SLC12A2: variants seen among roughly 807,000 people sequenced by gnomAD.
SLC12A2 encodes the protein Na-K-2Cl cotransporter 1.
A neutral mutation model predicts 136.3 loss-of-function variants in SLC12A2; 67 were observed. The observed-to-expected ratio is 0.49, with a 90% CI of 0.40 to 0.60. SLC12A2 has a LOEUF of 0.60. SLC12A2 is among the 20% of genes least tolerant of loss of function. SLC12A2 has a pLI of 0.00. For synonymous variants in SLC12A2, 619 were observed against 562.9 expected, an observed-to-expected ratio of 1.10 and a Z score of -1.41; for missense variants, 1,322 against 1,534.7, an observed-to-expected ratio of 0.86 and a Z score of 2.32.
At chr5:128,085,811 GATAATGTA>G (rs1760081339) in intron 1 of SLC12A2, among the ~76,000 whole-genome samples, 1 of 152,174 alleles carries the variant, frequency 6.6e-6, no homozygotes, top group Non-Finnish European at 1.5e-5. Context: ...CCCAGTGTTT[GATAATGTA>G]ACATTCACAC....
chr5:128,181,139 C>T, intron 23 of SLC12A2, 145 bp downstream of exon 23: 1 of 604,122 alleles, frequency 1.7e-6, no homozygotes. Context: ...TTAAATATAA[C>T]CTTGTTCTCT....
At chr5:128,126,009 A>G (rs1761779314) in intron 4 of SLC12A2, among the ~76,000 whole-genome samples, 1 of 152,052 alleles carries the variant, frequency 6.6e-6, no homozygotes, top group Non-Finnish European at 1.5e-5. Context: ...TGTTGCATTG[A>G]TTTGTTTGTG....
intron 4 of SLC12A2, among the ~76,000 whole-genome samples, chr5:128,116,176 A>G (rs1365711207): frequency 1.3e-5 from 2 of 152,112 alleles, no homozygotes; most frequent in Non-Finnish European, 2.9e-5. Context: ...ATCATCAAAG[A>G]ATTTCTCCTT....
intron 4 of SLC12A2, among the ~76,000 whole-genome samples, chr5:128,115,500 T>A (rs1361989821): frequency 2.0e-5 from 3 of 152,154 alleles, no homozygotes; most frequent in Admixed American, 6.5e-5. Context: ...GTCTATAAGA[T>A]CTGCCTTGTG....
rs72198423 is a variant in SLC12A2, at chr5:128,168,087, TAC to T, written c.2723+234_2723+235del. 15,912 of 291,262 alleles carry T rather than the reference TAC, an allele frequency of 0.055. 490 individuals are homozygous for T. The highest frequency in any genetic ancestry group is 0.14 in the African/African-American group (6,262 of 44,556). 18.0% of individuals were successfully genotyped at this position (291,262 alleles called of 1,614,324 possible). On this transcript the variant is annotated intron_variant, in intron 18 of 26. Coordinates refer to ENST00000262461, the MANE Select transcript of SLC12A2 (RefSeq NM_001046.3). ...TTACATACATGCATATATATATATA[TAC>T]ACACACACACACATATATGTATGTA...
chr5:128,108,025 A>G (rs1043428299), intron 1 of SLC12A2, among the ~76,000 whole-genome samples: 3 of 152,046 alleles, frequency 2.0e-5, no homozygotes, highest in African/African-American at 7.2e-5. Context: ...CATTTCTCTA[A>G]TGACCAGTGA....
intron 4 of SLC12A2, among the ~76,000 whole-genome samples, chr5:128,127,017 T>A (rs1761836277): frequency 7.3e-6 from 1 of 136,756 alleles, no homozygotes; most frequent in Non-Finnish European, 1.5e-5. Context: ...ATTTGTAGGA[T>A]AAACTTCACC....
intron 23 of SLC12A2, among the ~76,000 whole-genome samples, chr5:128,181,615 C>T (rs950277941): frequency 1.3e-5 from 2 of 152,082 alleles, no homozygotes; most frequent in African/African-American, 4.8e-5. Context: ...AGAGTTTTGA[C>T]CATATGATTC....
intron 1 of SLC12A2, chr5:128,110,595 C>A: frequency 9.1e-7 from 1 of 1,093,154 alleles, no homozygotes; most frequent in Non-Finnish European, 1.4e-6. Context: ...ATATTGATGG[C>A]ATCGTAGCAG....
intron 17 of SLC12A2, 109 bp from the exon 18 acceptor site, chr5:128,167,649 TTTG>T: frequency 3.3e-6 from 2 of 614,336 alleles, no homozygotes; most frequent in South Asian, 2.5e-5. Context: ...CTGAAGAATT[TTTG>T]TTAAGAGTGT....
At chr5:128,145,684 A>G (rs1392160359) in intron 10 of SLC12A2, among the ~76,000 whole-genome samples, 1 of 152,058 alleles carries the variant, frequency 6.6e-6, no homozygotes, top group African/African-American at 2.4e-5. Flanking sequence ...ATCTAGGGAA[A>G]GATGTTTAGT....
intron 12 of SLC12A2, 24 bp downstream of exon 12, chr5:128,148,901 A>G (rs754695119): frequency 2.6e-6 from 4 of 1,560,696 alleles, no homozygotes; most frequent in Non-Finnish European, 3.5e-6. Flanking sequence ...ATGGTGTGTT[A>G]TTGTAGATTT....
intron 22 of SLC12A2, among the ~76,000 whole-genome samples, chr5:128,179,854 C>T (rs1243324704): frequency 6.8e-6 from 1 of 146,280 alleles, no homozygotes; most frequent in Non-Finnish European, 1.5e-5. Context: ...TAATTTGTTA[C>T]TTTCATTTGT....
intron 1 of SLC12A2, among the ~76,000 whole-genome samples, chr5:128,089,169 C>CAA (rs34686489): frequency 8.3e-6 from 1 of 119,776 alleles, no homozygotes; most frequent in Non-Finnish European, 1.7e-5. Flanking sequence ...ACTTTGTCTC[C>CAA]AAAAAAAAAA....
intron 26 of SLC12A2, among the ~76,000 whole-genome samples, chr5:128,186,063 A>T (rs529552628): frequency 1.3e-3 from 193 of 151,972 alleles, no homozygotes; most frequent in African/African-American, 4.0e-3. Context: ...CTCTTAAAAA[A>T]ATATATATAT....
In SLC12A2 at chr5:128,114,789, CTA is replaced by C. The variant is rs571254264; in HGVS notation, c.1048+113_1048+114del. The C allele has an allele frequency of 6.3e-4, 434 of 687,542 alleles. 3 individuals carry two copies. The highest frequency in any genetic ancestry group is 6.3e-3 in the African/African-American group (347 of 55,446). The allele number at this position is 687,542 out of a possible 1,614,324, so 42.6% of individuals were successfully genotyped here. ...CTTTAACTGAAGCAACATATTAAGT[CTA>C]TATAGACAAGAAAGTTGCTACCGAG... On this transcript the variant is annotated intron_variant, in intron 4 of 26. Transcript: ENST00000262461.
intron 4 of SLC12A2, among the ~76,000 whole-genome samples, chr5:128,116,572 C>T (rs1301194040): frequency 6.6e-6 from 1 of 151,836 alleles, no homozygotes; most frequent in African/African-American, 2.4e-5. Flanking sequence ...AATCTGTTCA[C>T]AAAGGAAGAA....
rs549209200 is a variant in SLC12A2 at position 128,149,656 on chromosome 5, A to G, written c.2006-341A>G. Among the ~76,000 whole-genome samples, 8 of 152,038 alleles carry G rather than the reference A, an allele frequency of 5.3e-5. No homozygotes were observed. In the South Asian group the frequency reaches 8.3e-4, roughly 16 times the overall value. Reference sequence around the variant, plus strand: ...AAAAGATCAAATTTCAGAATGATACATATGGTATGCTATTTATGTAACTTT... The same window carrying G: ...AAAAGATCAAATTTCAGAATGATACGTATGGTATGCTATTTATGTAACTTT... On this transcript the variant is annotated intron_variant, in intron 12 of 26. Coordinates refer to ENST00000262461, the MANE Select transcript of SLC12A2 (RefSeq NM_001046.3).
intron 18 of SLC12A2, chr5:128,168,822 T>C (rs1763282869): frequency 6.6e-6 from 1 of 152,274 alleles, no homozygotes; most frequent in Non-Finnish European, 1.5e-5. Flanking sequence ...TGCCCATGGC[T>C]CACCTTCTGC....
Sources: allele counts gnomAD v4.1 joint callset (sites outside exome capture counted in the v4.1 genomes callset), GRCh38; gene constraint gnomAD v4.1.1; transcripts MANE v1.5; gene names NCBI Gene and HGNC (gene_info 2026-07-23, HGNC 2026-07-21).